The following BLOC1S3 variants were observed in gnomAD, a reference collection of about 807,000 sequenced individuals.
The protein encoded by BLOC1S3 is biogenesis of lysosomal organelles complex 1 subunit 3.
Under a neutral mutation model 9.1 loss-of-function variants are expected in BLOC1S3, and 7 were observed. The ratio of observed to expected loss-of-function variants is 0.77; its 90% CI spans 0.44 to 1.45. The LOEUF (loss-of-function observed/expected upper bound fraction) is 1.45. Among genes scored for constraint, BLOC1S3 ranks in the 40% most tolerant of loss-of-function variants. The pLI is 0.01. For missense variants in BLOC1S3, 307 were observed against 315.2 expected (o/e 0.97, Z 0.20); for synonymous variants, 145 against 158.4 (o/e 0.92, Z 0.64).
At chr19:45,199,378 C>T (rs1030552524) in intron 2 of BLOC1S3, among the ~76,000 whole-genome samples, 6 of 139,756 alleles carry the variant, frequency 4.3e-5, no homozygotes, top group Non-Finnish European at 9.1e-5. Context: ...CACAGTGGCA[C>T]GATCTTGGCT....
At chr19:45,201,351 C>T (rs1969689359) in intron 2 of BLOC1S3, among the ~76,000 whole-genome samples, 1 of 152,138 alleles carries the variant, frequency 6.6e-6, no homozygotes, top group Admixed American at 6.6e-5. Context: ...TACGGAGCTG[C>T]CTGGGGCTGC....
chr19:45,205,497 A>G (rs886828137), intron 3 of BLOC1S3, among the ~76,000 whole-genome samples: 1 of 152,200 alleles, frequency 6.6e-6, no homozygotes, highest in African/African-American at 2.4e-5. Flanking sequence ...CGTTCTGTAC[A>G]AAAGTTAACT....
intron 2 of BLOC1S3, among the ~76,000 whole-genome samples, chr19:45,197,651 C>T (rs1969659210): frequency 6.6e-6 from 1 of 151,776 alleles, no homozygotes; most frequent in African/African-American, 2.4e-5. Flanking sequence ...CATGGTGAAA[C>T]CCCGTCTCCA....
intron 3 of BLOC1S3, chr19:45,213,053 G>A (rs753210733): frequency 3.7e-5 from 55 of 1,468,762 alleles, no homozygotes; most frequent in Non-Finnish European, 4.5e-5. Flanking sequence ...CACTAAGGCC[G>A]GCGGTTGGGT....
At chr19:45,192,765 A>T (rs565986318) in intron 2 of BLOC1S3, among the ~76,000 whole-genome samples, 4 of 152,196 alleles carry the variant, frequency 2.6e-5, no homozygotes, top group Non-Finnish European at 5.9e-5. Context: ...GCGCTATCCT[A>T]CGGTGGCTGA....
intron 2 of BLOC1S3, among the ~76,000 whole-genome samples, chr19:45,199,810 TGGAGTGCA>T (rs1313547731): frequency 2.0e-5 from 3 of 151,914 alleles, no homozygotes; most frequent in Admixed American, 1.3e-4. Context: ...TCGACCAGGC[TGGAGTGCA>T]GTGGTGCTGC....
At chr19:45,204,611 A>T (rs965081067) in intron 3 of BLOC1S3, among the ~76,000 whole-genome samples, 2 of 152,136 alleles carry the variant, frequency 1.3e-5, no homozygotes, top group Non-Finnish European at 2.9e-5. Flanking sequence ...TACATGTCTG[A>T]CATCTCAGTT....
At chr19:45,191,966 A>G (rs73566238) in intron 2 of BLOC1S3, among the ~76,000 whole-genome samples, 10,490 of 152,248 alleles carry the variant, frequency 0.069, 1,231 homozygotes, top group African/African-American at 0.24. Flanking sequence ...GGGCTCTGTG[A>G]GGAGCAGACG....
chr19:45,190,010 CT>C (rs1046183688), intron 2 of BLOC1S3, among the ~76,000 whole-genome samples: 1 of 150,914 alleles, frequency 6.6e-6, no homozygotes, highest in African/African-American at 2.4e-5. Context: ...CTAATTATTT[CT>C]TTTTTTTTCT....
chr19:45,189,165 C>T (rs116221362), intron 2 of BLOC1S3, among the ~76,000 whole-genome samples: 5,930 of 151,890 alleles, frequency 0.039, 365 homozygotes, highest in African/African-American at 0.14. Context: ...TCCTCTGCCA[C>T]CTCCCCAACC....
intron 3 of BLOC1S3, among the ~76,000 whole-genome samples, chr19:45,213,521 C>T (rs1969801645): frequency 6.6e-6 from 1 of 152,064 alleles, no homozygotes; most frequent in Non-Finnish European, 1.5e-5. Flanking sequence ...GCTCCCTTGC[C>T]CAGGCCCTCA....
rs34965337 is a variant in BLOC1S3, at chr19:45,180,235, A to AT, written c.*354dup. The AT allele has an allele frequency of 0.14, 12,319 of 90,344 alleles. 799 individuals are homozygous for AT. Among genetic ancestry groups the AT allele is most frequent in the African/African-American group, 0.23 (4,019 of 17,846 alleles). 5.6% of individuals were successfully genotyped at this position (90,344 alleles called of 1,614,324 possible). A position where few individuals can be genotyped will look rare whatever the true frequency, so the allele number is the denominator to read the frequency against. ...CTGTTTCCACCCTGGGGGCTCACCA[A>AT]TTTTTTTTTTTTTTTTTTTTTTTTG... On this transcript the variant is annotated 3_prime_UTR_variant, in exon 2 of 2. Transcript: ENST00000433642.
At chr19:45,191,179 A>G (rs1460516921) in intron 2 of BLOC1S3, among the ~76,000 whole-genome samples, 4 of 145,020 alleles carry the variant, frequency 2.8e-5, no homozygotes, top group Non-Finnish European at 4.5e-5. Context: ...CTGGAGTGCA[A>G]TGGCACGATC....
At chr19:45,206,199 T>C (rs989520778) in intron 3 of BLOC1S3, among the ~76,000 whole-genome samples, 3 of 151,672 alleles carry the variant, frequency 2.0e-5, no homozygotes. Flanking sequence ...AAAATATATA[T>C]ACCAAAAATT....
chr19:45,192,310 C>T (rs1969612254), intron 2 of BLOC1S3, among the ~76,000 whole-genome samples: 1 of 152,162 alleles, frequency 6.6e-6, no homozygotes, highest in African/African-American at 2.4e-5. Flanking sequence ...TCTCTCCCTT[C>T]AGGGCAGTGG....
intron 3 of BLOC1S3, among the ~76,000 whole-genome samples, chr19:45,210,289 C>CT (rs71173125): frequency 0.13 from 9,835 of 74,444 alleles, 2,625 homozygotes; most frequent in Non-Finnish European, 0.18. Flanking sequence ...ACTATTTTAA[C>CT]TTTTTTTTTT....
At chr19:45,208,178 T>G (rs914882305) in intron 3 of BLOC1S3, among the ~76,000 whole-genome samples, 11 of 142,424 alleles carry the variant, frequency 7.7e-5, no homozygotes, top group African/African-American at 2.7e-4. Flanking sequence ...TTTGCCATGT[T>G]GGCCAAGCTG....
chr19:45,183,971 T>G (rs1385151309), downstream of BLOC1S3, among the ~76,000 whole-genome samples: 1 of 152,108 alleles, frequency 6.6e-6, no homozygotes, highest in Non-Finnish European at 1.5e-5. Flanking sequence ...CGAGAGTCCC[T>G]GAGGAGCTGA....
intron 3 of BLOC1S3, among the ~76,000 whole-genome samples, chr19:45,214,855 A>C (rs1969816837): frequency 1.3e-5 from 2 of 152,026 alleles, no homozygotes; most frequent in Admixed American, 6.6e-5. Context: ...AATAGCTTTA[A>C]TTATACCCCT....
Sources: allele counts gnomAD v4.1 joint callset (sites outside exome capture counted in the v4.1 genomes callset), GRCh38; gene constraint gnomAD v4.1.1; transcripts MANE v1.5; gene names NCBI Gene and HGNC (gene_info 2026-07-23, HGNC 2026-07-21).